The following EIF5 variants were observed in gnomAD, a reference collection of about 807,000 sequenced individuals.
The protein encoded by EIF5 is eukaryotic translation initiation factor 5.
EIF5 carries 10 observed loss-of-function variants against 48.3 expected under a neutral mutation model. The observed-to-expected ratio is 0.21, with a 90% CI of 0.13 to 0.35. The LOEUF (loss-of-function observed/expected upper bound fraction) is 0.35. Among genes scored for constraint, EIF5 ranks in the 10% least tolerant of loss-of-function variants. EIF5 has a pLI of 1.00. For missense variants in EIF5, 397 were observed against 533.2 expected (o/e 0.74, Z 2.51); for synonymous variants, 237 against 173.1 (o/e 1.37, Z -2.90).
rs543924800 is a variant in EIF5, at chr14:103,344,589, A to G, written c.*3537A>G. 1.3e-5 allele frequency: 2 copies of G among 152,358 alleles called. No homozygotes were observed. The highest frequency in any genetic ancestry group is 4.8e-5 in the African/African-American group (2 of 41,572). The allele number at this position is 152,358 out of a possible 1,614,324, so 9.4% of individuals were successfully genotyped here. A position where few individuals can be genotyped will look rare whatever the true frequency, so the allele number is the denominator to read the frequency against. ...GTGGAGACCCTTATGTGCAGCACTC[A>G]ATCCCACTGGAAGCCTAATGCTGCA... is the stretch of plus-strand genomic sequence containing the variant. On this transcript the variant is annotated 3_prime_UTR_variant, in exon 12 of 12. Coordinates refer to ENST00000216554, the MANE Select transcript of EIF5 (RefSeq NM_001969.5).
intron 11 of EIF5, 30 bp downstream of exon 11, chr14:103,340,591 A>T (rs750297116): frequency 1.9e-6 from 3 of 1,599,514 alleles, no homozygotes; most frequent in Non-Finnish European, 2.6e-6. Flanking sequence ...GGTATTGGAT[A>T]CAGTGCTGGC....
At chr14:103,338,264 A>T in intron 6 of EIF5, 63 bp from the exon 7 acceptor site, 1 of 1,576,858 alleles carries the variant, frequency 6.3e-7, no homozygotes, top group Non-Finnish European at 8.6e-7. Context: ...TTAAACGTTA[A>T]TGATGGGCAA....
chr14:103,335,526 A>ATC (rs1304998808), intron 2 of EIF5, 127 bp from the exon 3 acceptor site: 5 of 355,764 alleles, frequency 1.4e-5, no homozygotes, highest in Non-Finnish European at 2.6e-5. Context: ...TTTGCATGTG[A>ATC]TCTCAGATGC....
chr14:103,337,995 C>A, intron 6 of EIF5: 1 of 553,600 alleles, frequency 1.8e-6, no homozygotes, highest in Non-Finnish European at 3.5e-6. Context: ...TTGGCTAAAG[C>A]TGGGTTGAGT....
chr14:103,336,849 G>A lies in EIF5; in HGVS notation c.327G>A (p.Leu109=). 6.2e-7 allele frequency: 1 copy of A among 1,611,396 alleles called. No individual in the cohort carries two copies. The highest frequency in any genetic ancestry group is 8.5e-7 in the Non-Finnish European group (1 of 1,179,192). Residue 109 remains leucine, a splice_region_variant and synonymous_variant, in exon 5 of 12, where the codon TTG becomes TTA. Transcript: ENST00000216554. ...AATGTGAGAATCCTGAAACAGATTT[G>A]GTAAGTGCTTTTGTGGTTGTCGAAA... ...CPECENPETD[L]HVNPKKQTIG... is the part of the protein sequence containing the mutation.
chr14:103,334,347 C>G (rs1281693597), intron 1 of EIF5, 42 bp from the exon 2 acceptor site: 4 of 152,348 alleles, frequency 2.6e-5, no homozygotes, highest in Admixed American at 6.5e-5. Flanking sequence ...AAGGTGCACT[C>G]CCCGACCGCC....
In EIF5 at chr14:103,339,303, G is replaced by A; in HGVS notation, c.876G>A (p.Gln292=). 6.2e-7 allele frequency: 1 copy of A among 1,600,382 alleles called. No individual in the cohort carries two copies. The highest frequency in any genetic ancestry group is 8.5e-7 in the Non-Finnish European group (1 of 1,176,690). Residue 292 remains glutamine (Q), a synonymous_variant, in exon 9 of 12, where the codon CAG becomes CAA. Transcript: ENST00000216554. ...EVLFNEKIRE[Q]IKKYRRHFLR... ...TTTTTAATGAGAAGATTAGAGAACA[G>A]ATTAAGAAATACAGGCGCCATTTCC...
At chr14:103,335,230 T>TTGCCCTTAAAATG (rs2089270558) in intron 2 of EIF5, 1 of 153,264 alleles carries the variant, frequency 6.5e-6, no homozygotes, top group East Asian at 1.9e-4. Context: ...AGAGAACAGT[T>TTGCCCTTAAAATG]CCCTAGGTTG....
chr14:103,334,515 C>T lies in EIF5; in HGVS notation c.-291C>T, dbSNP rs998568812. ...CGCTTCGCCTCCGCCTCCTCGGACT[C>T]GGACTCGGGTTTATATCGCGCCTCA... On this transcript the variant is annotated 5_prime_UTR_variant, in exon 2 of 12. Coordinates refer to ENST00000216554, the MANE Select transcript of EIF5 (RefSeq NM_001969.5). 4.6e-5 allele frequency: 7 copies of T among 152,504 alleles called. No individual in the cohort carries two copies. The highest frequency in any genetic ancestry group is 1.2e-4 in the African/African-American group (5 of 41,342). The allele number at this position is 152,504 out of a possible 1,614,324, so 9.4% of individuals were successfully genotyped here. A position where few individuals can be genotyped will look rare whatever the true frequency, so the allele number is the denominator to read the frequency against.
chr14:103,338,194 A>G (rs1196310167), intron 6 of EIF5, 133 bp from the exon 7 acceptor site: 5 of 1,229,022 alleles, frequency 4.1e-6, no homozygotes, highest in Non-Finnish European at 5.7e-6. Context: ...CCTCTTAGGT[A>G]GCATTGTGTG....
At chr14:103,337,570 C>T in intron 6 of EIF5, 1 of 353,748 alleles carries the variant, frequency 2.8e-6, no homozygotes, top group Non-Finnish European at 5.2e-6. Context: ...CCACTGCACT[C>T]CAGCTTGGGC....
At chr14:103,336,153 AT>A in intron 4 of EIF5, 36 bp downstream of exon 4, 3 of 1,593,194 alleles carry the variant, frequency 1.9e-6, no homozygotes, top group Non-Finnish European at 1.7e-6. Flanking sequence ...AGGGCATATT[AT>A]GGATAGAGTC....
rs1419526344 is a variant in EIF5 at position 103,341,207 on chromosome 14, G to A, written c.*155G>A. 1.5e-6 allele frequency: 1 copy of A among 649,346 alleles called. No individual in the cohort carries two copies. The highest frequency in any genetic ancestry group is 2.7e-6 in the Non-Finnish European group (1 of 366,416). 40.2% of individuals were successfully genotyped at this position (649,346 alleles called of 1,614,324 possible). A position where few individuals can be genotyped will look rare whatever the true frequency, so the allele number is the denominator to read the frequency against. On this transcript the variant is annotated 3_prime_UTR_variant, in exon 12 of 12. Coordinates refer to ENST00000216554, the MANE Select transcript of EIF5 (RefSeq NM_001969.5). ...ATTACTGTGAGTGGTCTGTTATTAA[G>A]CCCAATGAGACATCTAGGGAGTCCA... is the stretch of plus-strand genomic sequence containing the variant.
rs757031852 is a variant in EIF5 at position 103,340,448 on chromosome 14, A to G, written c.1093A>G (p.Lys365Glu). The G allele has an allele frequency of 1.9e-6, 3 of 1,605,534 alleles. No individual in the cohort carries two copies. In the African/African-American group the frequency reaches 4.0e-5, roughly 21 times the overall value. The change falls in exon 11 of 12, where the codon AAA (lysine) becomes GAA (glutamate). Residue 365 changes from lysine to glutamate, a missense_variant. By Grantham distance (56) the Lys-to-Glu change is moderately conservative (BLOSUM62 1). Transcript: ENST00000216554. The part of the protein sequence containing the change: ...SEKASKKYVS[K>E]ELAKEIRVKA... ...TTAGGCCTCTAAGAAATATGTCTCC[A>G]AAGAACTTGCCAAAGAGATTCGTGT...
intron 8 of EIF5, 74 bp from the exon 9 acceptor site, chr14:103,339,098 C>T (rs2089323312): frequency 6.5e-7 from 1 of 1,531,650 alleles, no homozygotes; most frequent in Non-Finnish European, 8.8e-7. Flanking sequence ...TTCATCAGAG[C>T]AGGGACTGGC....
rs374988251 is a variant in EIF5, at chr14:103,339,332, G to A, written c.905G>A (p.Arg302Gln). The change falls in exon 9 of 12, where the codon CGA (arginine) becomes CAA (glutamine). Residue 302 changes from arginine (R) to glutamine (Q), a missense_variant and splice_region_variant. Coordinates refer to ENST00000216554, the MANE Select transcript of EIF5 (RefSeq NM_001969.5). ...QIKKYRRHFLRFCHNNKKAQR... is the reference protein window; with the variant it reads ...QIKKYRRHFLQFCHNNKKAQR... Reference sequence around the variant, plus strand: ...AAGAAATACAGGCGCCATTTCCTACGAGTAAGCAAAGTGCTCTGGATTCAT... The same window carrying A: ...AAGAAATACAGGCGCCATTTCCTACAAGTAAGCAAAGTGCTCTGGATTCAT... 1.3e-6 allele frequency: 2 copies of A among 1,587,638 alleles called. No homozygotes were observed. Among genetic ancestry groups the A allele is most frequent in the South Asian group, 1.2e-5 (1 of 86,094 alleles).
chr14:103,344,391 T>C lies in EIF5; in HGVS notation c.*3339T>C, dbSNP rs1290171852. 1.3e-5 allele frequency: 2 copies of C among 152,196 alleles called. No homozygotes were observed. The highest frequency in any genetic ancestry group is 2.9e-5 in the Non-Finnish European group (2 of 68,036). The allele number at this position is 152,196 out of a possible 1,614,324, so 9.4% of individuals were successfully genotyped here. On this transcript the variant is annotated 3_prime_UTR_variant, in exon 12 of 12. Coordinates refer to ENST00000216554, the MANE Select transcript of EIF5 (RefSeq NM_001969.5). ...TTGGGACCTAGACTGGGAGGTGCAA[T>C]GTCAGGACCTCCAGGTGAATGGTAG...
chr14:103,334,847 G>C (rs1332265534), intron 2 of EIF5: 1 of 152,032 alleles, frequency 6.6e-6, no homozygotes, highest in African/African-American at 2.4e-5. Flanking sequence ...GTGAGTCATC[G>C]CGCGCTCTGG....
rs1402403522 is a variant in EIF5 at position 103,338,982 on chromosome 14, T to C, written c.744+89T>C. ...TGATACTTTAGCAGTGTAATTAGGA[T>C]TACTCTAATGCACGACTTTTTAGAA... On this transcript the variant is annotated intron_variant, in intron 8 of 11. Transcript: ENST00000216554. The C allele has an allele frequency of 1.9e-4, 283 of 1,525,208 alleles. 1 individual carries two copies. The highest frequency in any genetic ancestry group is 2.4e-4 in the Non-Finnish European group (271 of 1,134,324). 94.5% of individuals were successfully genotyped at this position (1,525,208 alleles called of 1,614,324 possible).
Sources: allele counts gnomAD v4.1 joint callset, GRCh38; gene constraint gnomAD v4.1.1; transcripts MANE v1.5; gene names NCBI Gene and HGNC (gene_info 2026-07-23, HGNC 2026-07-21).